The following BMERB1 variants were observed in gnomAD, a reference collection of about 807,000 sequenced individuals.
The protein encoded by BMERB1 is bMERB domain-containing protein 1.
A neutral mutation model predicts 23.6 loss-of-function variants in BMERB1; 12 were observed. The ratio of observed to expected loss-of-function variants is 0.51; its 90% CI spans 0.33 to 0.82. BMERB1 has a LOEUF of 0.82. Among genes scored for constraint, BMERB1 ranks in the 40% least tolerant of loss-of-function variants. BMERB1 has a pLI of 0.03. For synonymous variants in BMERB1, 122 were observed against 96.6 expected (o/e 1.26, Z -1.54); for missense variants, 247 against 255.4 (o/e 0.97, Z 0.22).
chr16:15,444,123 G>GTTTTTTTTTTTTTTTTTTTTTTTTT lies in BMERB1; in HGVS notation c.106+9367_106+9391dup, dbSNP rs150793082. ...AGGCCAGGGTCCAGGCACCAGCTTT[G>GTTTTTTTTTTTTTTTTTTTTTTTTT]TTTTTTTTTTTTTTTTTTTTTTTTT... is the stretch of plus-strand genomic sequence containing the variant. On this transcript the variant is annotated intron_variant, in intron 1 of 5. Transcript: ENST00000300006. Among the ~76,000 whole-genome samples the GTTTTTTTTTTTTTTTTTTTTTTTTT allele has an allele frequency of 2.2e-3, 79 of 35,620 alleles. 19 individuals carry two copies. The highest frequency in any genetic ancestry group is 5.4e-3 in the East Asian group (3 of 556). 23.4% of individuals were successfully genotyped at this position (35,620 alleles called of 152,430 possible).
chr16:15,493,128 A>G (rs978947212), intron 1 of BMERB1, among the ~76,000 whole-genome samples: 1 of 152,032 alleles, frequency 6.6e-6, no homozygotes, highest in Non-Finnish European at 1.5e-5. Context: ...TGAGGTGGGC[A>G]GATCACCTGA....
intron 1 of BMERB1, among the ~76,000 whole-genome samples, chr16:15,512,804 G>A (rs1340596511): frequency 1.3e-5 from 2 of 151,944 alleles, no homozygotes; most frequent in African/African-American, 4.8e-5. Context: ...GCTTGAATCC[G>A]GGAGGCGGAG....
chr16:15,453,483 A>C (rs901175774), intron 1 of BMERB1, among the ~76,000 whole-genome samples: 1 of 152,048 alleles, frequency 6.6e-6, no homozygotes, highest in Non-Finnish European at 1.5e-5. Flanking sequence ...TTGGGAGGCC[A>C]AGGCAGGAGG....
intron 1 of BMERB1, among the ~76,000 whole-genome samples, chr16:15,485,797 G>A (rs2051363974): frequency 6.6e-6 from 1 of 152,014 alleles, no homozygotes; most frequent in Admixed American, 6.6e-5. Flanking sequence ...CTTGGCTTAG[G>A]CACCATTCTA....
At chr16:15,569,734 T>G (rs2030676391) in intron 3 of BMERB1, among the ~76,000 whole-genome samples, 1 of 152,110 alleles carries the variant, frequency 6.6e-6, no homozygotes, top group South Asian at 2.1e-4. Flanking sequence ...ATGCAAAACC[T>G]AAAGAGATAT....
chr16:15,539,552 A>AT (rs778579957), intron 2 of BMERB1, among the ~76,000 whole-genome samples: 5 of 151,732 alleles, frequency 3.3e-5, no homozygotes, highest in Non-Finnish European at 5.9e-5. Context: ...TTAATTAAGA[A>AT]TTTTTTTTCG....
At chr16:15,543,337 C>T (rs1279210456) in intron 2 of BMERB1, among the ~76,000 whole-genome samples, 1 of 152,076 alleles carries the variant, frequency 6.6e-6, no homozygotes. Flanking sequence ...CAGGGTGGTC[C>T]AGAGCGGTTT....
chr16:15,494,153 C>T (rs369947290), intron 1 of BMERB1, among the ~76,000 whole-genome samples: 2 of 152,142 alleles, frequency 1.3e-5, no homozygotes, highest in East Asian at 3.9e-4. Context: ...CCTTGAGTAA[C>T]AGAATGAACC....
chr16:15,434,915 G>A (rs560280272), intron 1 of BMERB1, among the ~76,000 whole-genome samples, 156 bp downstream of exon 1: 31 of 152,372 alleles, frequency 2.0e-4, no homozygotes, highest in Middle Eastern at 3.4e-3. Context: ...GCTCTGCGCA[G>A]CGACGCGCTC....
At chr16:15,446,298 G>C (rs1453228243) in intron 1 of BMERB1, among the ~76,000 whole-genome samples, 11 of 152,094 alleles carry the variant, frequency 7.2e-5, no homozygotes, top group Non-Finnish European at 4.4e-5. Flanking sequence ...CGGGGGCTGA[G>C]GTGGGAGAAT....
chr16:15,472,510 G>C (rs188841857), intron 1 of BMERB1, among the ~76,000 whole-genome samples: 1 of 152,210 alleles, frequency 6.6e-6, no homozygotes, highest in African/African-American at 2.4e-5. Context: ...TGTCTCTCTG[G>C]TAATTTTCTT....
chr16:15,557,665 A>G (rs2030302453), intron 2 of BMERB1, among the ~76,000 whole-genome samples: 1 of 152,170 alleles, frequency 6.6e-6, no homozygotes, highest in Admixed American at 6.5e-5. Context: ...GAGGTTTCCA[A>G]GGATCTGGAA....
At chr16:15,556,777 G>A (rs904993635) in intron 2 of BMERB1, among the ~76,000 whole-genome samples, 20 of 151,964 alleles carry the variant, frequency 1.3e-4, no homozygotes, top group Non-Finnish European at 4.4e-5. Context: ...GTAGAGACAG[G>A]GTTTCACCAT....
chr16:15,466,256 A>G (rs561995537), intron 1 of BMERB1, among the ~76,000 whole-genome samples: 1 of 152,196 alleles, frequency 6.6e-6, no homozygotes, highest in Non-Finnish European at 1.5e-5. Flanking sequence ...TGATCTTTCC[A>G]GACTGTTAAA....
At chr16:15,487,866 A>G (rs762232661) in intron 1 of BMERB1, among the ~76,000 whole-genome samples, 11 of 152,202 alleles carry the variant, frequency 7.2e-5, no homozygotes, top group Non-Finnish European at 1.2e-4. Flanking sequence ...ATGGTAATGC[A>G]TTATAATTAG....
chr16:15,480,745 C>T (rs1013910000), intron 1 of BMERB1, among the ~76,000 whole-genome samples: 6 of 151,228 alleles, frequency 4.0e-5, no homozygotes, highest in African/African-American at 1.5e-4. Flanking sequence ...TCCCAAGTAG[C>T]TGGGACTACA....
At position 15,485,540 on chromosome 16, in the gene BMERB1, G is replaced by A. The variant is rs146333573; in HGVS notation, c.107-29765G>A. On this transcript the variant is annotated intron_variant, in intron 1 of 5. Transcript: ENST00000300006. ...GGTCTCTGAACCATTTTTACCCTGAGAAATGGGACTTAGGAAATTATGCAG... is the reference window on the plus strand; with the variant it reads ...GGTCTCTGAACCATTTTTACCCTGAAAAATGGGACTTAGGAAATTATGCAG... Among the ~76,000 whole-genome samples, 522 of 152,182 alleles carry A rather than the reference G, an allele frequency of 3.4e-3. 2 individuals carry two copies. Among genetic ancestry groups the A allele is most frequent in the African/African-American group, 0.012 (496 of 41,518 alleles).
intron 3 of BMERB1, among the ~76,000 whole-genome samples, chr16:15,576,248 TGTGTTAGCCAGGATGGTCTCAAC>T: frequency 6.6e-6 from 1 of 152,108 alleles, no homozygotes; most frequent in African/African-American, 2.4e-5. Context: ...TGGGTTTCAC[TGTGTTAGCCAGGATGGTCTCAAC>T]CTCCTGATCT....
At chr16:15,439,430 T>A (rs1457538711) in intron 1 of BMERB1, among the ~76,000 whole-genome samples, 1 of 152,168 alleles carries the variant, frequency 6.6e-6, no homozygotes, top group Non-Finnish European at 1.5e-5. Context: ...TGAATGGTTG[T>A]CATAGGAGGA....
Sources: allele counts gnomAD v4.1 joint callset (sites outside exome capture counted in the v4.1 genomes callset), GRCh38; gene constraint gnomAD v4.1.1; transcripts MANE v1.5; gene names NCBI Gene and HGNC (gene_info 2026-07-23, HGNC 2026-07-21).